Variants in GRIA3 observed in about 807,000 individuals in gnomAD.
GRIA3 encodes the protein glutamate ionotropic receptor AMPA type subunit 3, also known as glutamate receptor 3.
Under a neutral mutation model 63.0 loss-of-function variants are expected in GRIA3, and 3 were observed. That is an observed-to-expected ratio of 0.05 (90% CI 0.02 to 0.12). GRIA3 has a LOEUF of 0.12. Among genes scored for constraint, GRIA3 ranks in the 10% least tolerant of loss-of-function variants. GRIA3 has a pLI of 1.00. For synonymous variants in GRIA3, 274 were observed against 257.9 expected (o/e 1.06, Z -0.60); for missense variants, 347 against 700.9 (o/e 0.50, Z 5.70).
intron 12 of GRIA3, among the ~76,000 whole-genome samples, chrX:123,447,292 C>A (rs768520093): frequency 0.012 from 1,255 of 108,734 alleles, 11 homozygotes; most frequent in Non-Finnish European, 0.02. Context: ...CAAAACAAAA[C>A]AAAAAAAAAC....
At chrX:123,444,466 T>C (rs1265082312) in intron 12 of GRIA3, among the ~76,000 whole-genome samples, 1 of 111,967 alleles carries the variant, frequency 8.9e-6, no homozygotes, top group African/African-American at 3.2e-5. Flanking sequence ...CTTTGCCTAT[T>C]TGACCTGCTG....
chrX:123,353,001 CCTCT>C (rs758735605), intron 4 of GRIA3, among the ~76,000 whole-genome samples: 35 of 92,790 alleles, frequency 3.8e-4, no homozygotes, highest in African/African-American at 1.2e-3. Context: ...GCTCTCTTGT[CCTCT>C]CTCTCTCTCT....
In GRIA3 at chrX:123,338,850, C is replaced by G. The variant is rs747096769; in HGVS notation, c.696+12637C>G. On this transcript the variant is annotated intron_variant, in intron 4 of 15. Coordinates refer to ENST00000620443, the MANE Select transcript of GRIA3 (RefSeq NM_007325.5). ...CAGGCGTGAGCCACCATGCCTGGCCCCATCAAACTATATTTTTTAATGAAA... is the reference window on the plus strand; with the variant it reads ...CAGGCGTGAGCCACCATGCCTGGCCGCATCAAACTATATTTTTTAATGAAA... Among the ~76,000 whole-genome samples, 8 of 112,175 alleles carry G rather than the reference C, an allele frequency of 7.1e-5. No homozygotes were observed. The East Asian group carries it at 2.2e-3, about 31-fold the overall frequency.
At chrX:123,433,428 A>C (rs753330857) in intron 12 of GRIA3, among the ~76,000 whole-genome samples, 1 of 112,164 alleles carries the variant, frequency 8.9e-6, no homozygotes, top group Non-Finnish European at 1.9e-5. Flanking sequence ...TGATTATTTT[A>C]GGACTTAAGA....
At chrX:123,346,234 A>C (rs1476700174) in intron 4 of GRIA3, among the ~76,000 whole-genome samples, 1 of 111,915 alleles carries the variant, frequency 8.9e-6, no homozygotes, top group Non-Finnish European at 1.9e-5. Context: ...AGGTTAGGTA[A>C]CTTGCCTAAA....
chrX:123,285,374 T>G (rs1026650903), intron 3 of GRIA3, among the ~76,000 whole-genome samples: 4 of 109,768 alleles, frequency 3.6e-5, no homozygotes, highest in Admixed American at 2.0e-4. Flanking sequence ...GGCATCATAA[T>G]GACAGGATCA....
Position 123,464,882 on chromosome X carries a change from G to A in GRIA3, c.2094G>A (p.Val698=). 1 of 1,206,746 alleles carries A rather than the reference G, an allele frequency of 8.3e-7. No individual in the cohort carries two copies. The highest frequency in any genetic ancestry group is 1.1e-6 in the Non-Finnish European group (1 of 891,433). ...TGGTGCAGAGATCCAAAATTGCTGT[G>A]TACGAGAAAATGTGGTCTTACATGA... ...KEFFRRSKIA[V]YEKMWSYMKS... Residue 698 remains valine, a synonymous_variant, in exon 13 of 16, where the codon GTG becomes GTA. Transcript: ENST00000620443.
At chrX:123,203,349 C>T (rs1927796566) in intron 2 of GRIA3, among the ~76,000 whole-genome samples, 1 of 112,087 alleles carries the variant, frequency 8.9e-6, no homozygotes, top group Non-Finnish European at 1.9e-5. Context: ...ACTGCTGCTA[C>T]TAACTAGCTA....
At chrX:123,377,001 C>T (rs1283528347) in intron 5 of GRIA3, among the ~76,000 whole-genome samples, 1 of 95,384 alleles carries the variant, frequency 1.0e-5, no homozygotes, top group African/African-American at 3.9e-5. Context: ...ATGGCGCTAT[C>T]TCGGCTCACT....
intron 7 of GRIA3, among the ~76,000 whole-genome samples, chrX:123,402,016 G>T (rs1018905094): frequency 1.3e-4 from 15 of 111,387 alleles, no homozygotes; most frequent in African/African-American, 4.2e-4. Flanking sequence ...TCATAATACT[G>T]AGCCCAGGCC....
At chrX:123,440,553 T>C (rs146806154) in intron 12 of GRIA3, among the ~76,000 whole-genome samples, 42 of 112,826 alleles carry the variant, frequency 3.7e-4, no homozygotes, top group African/African-American at 1.2e-3. Flanking sequence ...ATCAGTGATG[T>C]TGAGCTTTCT....
intron 2 of GRIA3, among the ~76,000 whole-genome samples, chrX:123,218,167 C>T (rs900762505): frequency 2.7e-5 from 3 of 112,026 alleles, no homozygotes; most frequent in Non-Finnish European, 5.6e-5. Context: ...AGCTTGTATG[C>T]CTGGCACCTG....
At chrX:123,287,984 C>T (rs1042934304) in intron 3 of GRIA3, among the ~76,000 whole-genome samples, 103 of 111,945 alleles carry the variant, frequency 9.2e-4, no homozygotes, top group Non-Finnish European at 1.6e-3. Flanking sequence ...AAGAACAAAG[C>T]TGGAGGCATC....
At chrX:123,336,137 C>T (rs1050660482) in intron 4 of GRIA3, among the ~76,000 whole-genome samples, 2 of 111,991 alleles carry the variant, frequency 1.8e-5, no homozygotes, top group African/African-American at 6.5e-5. Context: ...TTCAAGCTCA[C>T]ATTGCCACAG....
chrX:123,228,225 A>G (rs2044257862), intron 2 of GRIA3, among the ~76,000 whole-genome samples: 1 of 112,127 alleles, frequency 8.9e-6, no homozygotes, highest in Non-Finnish European at 1.9e-5. Flanking sequence ...TTATGGGGCC[A>G]TTTCAGCTGT....
At chrX:123,467,117 A>G in intron 13 of GRIA3, among the ~76,000 whole-genome samples, 1 of 112,579 alleles carries the variant, frequency 8.9e-6, no homozygotes, top group East Asian at 2.8e-4. Context: ...AGTACTTCAC[A>G]TTGATGAGAA....
chrX:123,383,421 T>G (rs898684918), intron 5 of GRIA3, among the ~76,000 whole-genome samples: 1 of 111,686 alleles, frequency 9.0e-6, no homozygotes, highest in African/African-American at 3.3e-5. Context: ...AACCAGCCTC[T>G]CTTCATCCTG....
At chrX:123,355,837 TATCTA>T (rs1388761209) in intron 5 of GRIA3, among the ~76,000 whole-genome samples, 1 of 111,983 alleles carries the variant, frequency 8.9e-6, no homozygotes, top group Non-Finnish European at 1.9e-5. Flanking sequence ...ATCAAAGAAA[TATCTA>T]ATATCTTATT....
chrX:123,315,432 T>G (rs956438050), intron 3 of GRIA3, among the ~76,000 whole-genome samples: 6 of 112,184 alleles, frequency 5.3e-5, no homozygotes, highest in Non-Finnish European at 9.4e-5. Flanking sequence ...ATATTGATTT[T>G]GATGGAAAAT....
Sources: allele counts gnomAD v4.1 joint callset (sites outside exome capture counted in the v4.1 genomes callset), GRCh38; gene constraint gnomAD v4.1.1; transcripts MANE v1.5; gene names NCBI Gene and HGNC (gene_info 2026-07-23, HGNC 2026-07-21).